Variants in ANKRD11 observed in about 807,000 individuals in gnomAD.
The protein encoded by ANKRD11 is ankyrin repeat domain-containing protein 11.
A neutral mutation model predicts 195.7 loss-of-function variants in ANKRD11; 17 were observed. That is an observed-to-expected ratio of 0.09 (90% CI 0.06 to 0.13). The LOEUF (loss-of-function observed/expected upper bound fraction) is 0.13, where lower values mean the gene tolerates loss of function less well. Among genes scored for constraint, ANKRD11 ranks in the 10% least tolerant of loss-of-function variants. ANKRD11 has a pLI of 1.00. For missense variants in ANKRD11, 3,735 were observed against 3,566.1 expected (o/e 1.05, Z -1.21); for synonymous variants, 1,953 against 1,528.1 (o/e 1.28, Z -6.49).
intron 2 of ANKRD11, among the ~76,000 whole-genome samples, chr16:89,350,504 C>A (rs539870676): frequency 2.0e-5 from 3 of 152,284 alleles, no homozygotes; most frequent in African/African-American, 7.2e-5. Context: ...CACCACAGAA[C>A]CCAGATCAAT....
chr16:89,370,416 C>T (rs1168536276), intron 2 of ANKRD11, among the ~76,000 whole-genome samples: 1 of 152,176 alleles, frequency 6.6e-6, no homozygotes, highest in African/African-American at 2.4e-5. Context: ...CTACAGGATC[C>T]TGAGCCCTCC....
chr16:89,284,964 G>T lies in ANKRD11; in HGVS notation c.1578C>A (p.His526Gln). The change falls in exon 9 of 13, where the codon CAC becomes CAA. Residue 526 changes from histidine to glutamine, a missense_variant. Transcript: ENST00000301030. ...SSLSASSTSS[H>Q]GSSAAQKQNP... ...TCTGCTTCTGGGCGGCAGAGCTCCCGTGAGACGAGGTGGAGGAGGCAGAGA... is the reference window on the plus strand; with the variant it reads ...TCTGCTTCTGGGCGGCAGAGCTCCCTTGAGACGAGGTGGAGGAGGCAGAGA... 1 of 1,614,122 alleles carries T rather than the reference G, an allele frequency of 6.2e-7. No individual in the cohort carries two copies. The highest frequency in any genetic ancestry group is 8.5e-7 in the Non-Finnish European group (1 of 1,180,016).
chr16:89,430,843 G>A (rs929421225), intron 1 of ANKRD11, among the ~76,000 whole-genome samples: 2 of 152,128 alleles, frequency 1.3e-5, no homozygotes, highest in Non-Finnish European at 2.9e-5. Context: ...ATGACCTTAC[G>A]CAGTTTCTGT....
At position 89,283,444 on chromosome 16, in the gene ANKRD11, C is replaced by T. The variant is rs201522384; in HGVS notation, c.3098G>A (p.Ser1033Asn). ...TKPERYKEKSSDKDKSEKSIL... is the reference protein window; with the variant it reads ...TKPERYKEKSNDKDKSEKSIL... Reference sequence around the variant, plus strand: ...TGATTTCTCACTTTTGTCCTTGTCACTGGATTTCTCTTTGTATCTTTCTGG... The same window carrying T: ...TGATTTCTCACTTTTGTCCTTGTCATTGGATTTCTCTTTGTATCTTTCTGG... The change falls in exon 9 of 13, where the codon AGT becomes AAT. Residue 1033 changes from serine to asparagine, a missense_variant. Coordinates refer to ENST00000301030, the MANE Select transcript of ANKRD11 (RefSeq NM_013275.6). This position sits in a 1 kb window ranked among gnomAD's most constrained non-coding sequence, Gnocchi z 4.3. 1.9e-6 allele frequency: 3 copies of T among 1,614,208 alleles called. No homozygotes were observed. The highest frequency in any genetic ancestry group is 1.7e-5 in the Admixed American group (1 of 60,036).
rs189873120 is a variant in ANKRD11, at chr16:89,394,419, G to A, written c.-60+23865C>T. Among the ~76,000 whole-genome samples, 579 of 152,270 alleles carry A rather than the reference G, an allele frequency of 3.8e-3. 11 individuals are homozygous for A. Among genetic ancestry groups the A allele is most frequent in the Admixed American group, 0.028 (431 of 15,290 alleles). On this transcript the variant is annotated intron_variant, in intron 2 of 12. Coordinates refer to ENST00000301030, the MANE Select transcript of ANKRD11 (RefSeq NM_013275.6). ...CAAGGCGGGCAGATCACCTGAGGTCGGGAGTTCAAGACCAGACTGGCCAAC... is the reference window on the plus strand; with the variant it reads ...CAAGGCGGGCAGATCACCTGAGGTCAGGAGTTCAAGACCAGACTGGCCAAC...
At chr16:89,398,247 AG>A (rs1411725541) in intron 2 of ANKRD11, among the ~76,000 whole-genome samples, 13 of 151,624 alleles carry the variant, frequency 8.6e-5, no homozygotes, top group African/African-American at 3.2e-4. Context: ...GGCTGACATG[AG>A]GGACACTGTG....
intron 2 of ANKRD11, among the ~76,000 whole-genome samples, chr16:89,339,065 A>C (rs528586351): frequency 8.5e-4 from 129 of 152,212 alleles, no homozygotes; most frequent in South Asian, 4.6e-3. Flanking sequence ...AACCAGGAGG[A>C]CAGACGTCCT....
At chr16:89,358,665 C>A (rs2039595791) in intron 2 of ANKRD11, among the ~76,000 whole-genome samples, 1 of 152,196 alleles carries the variant, frequency 6.6e-6, no homozygotes, top group African/African-American at 2.4e-5. Flanking sequence ...CAGGATGCTG[C>A]CTGCAGCTCA....
intron 4 of ANKRD11, among the ~76,000 whole-genome samples, chr16:89,297,345 A>G (rs2035505849): frequency 6.6e-6 from 1 of 152,218 alleles, no homozygotes; most frequent in Admixed American, 6.5e-5. Context: ...GATATTTTCA[A>G]ACAACAGAAA....
In ANKRD11 at chr16:89,285,456, G is replaced by A. The variant is rs149888021; in HGVS notation, c.1086C>T (p.Asp362=). Residue 362 remains aspartate (D), a synonymous_variant, in exon 9 of 13, where the codon GAC becomes GAT. Coordinates refer to ENST00000301030, the MANE Select transcript of ANKRD11 (RefSeq NM_013275.6). This position sits in a 1 kb window ranked among gnomAD's most constrained non-coding sequence, Gnocchi z 5.6. ...AGTCCTTTTTCAATAGGTGCTTGTC[G>A]TCCACCGGAGGAACCCTGTCCTGCT... ...DDEQDRVPPV[D]DKHLLKKDYR... is the part of the protein sequence containing the mutation. 139 of 1,614,082 alleles carry A rather than the reference G, an allele frequency of 8.6e-5. 2 individuals are homozygous for A. In the African/African-American group the frequency reaches 1.2e-3, roughly 14 times the overall value.
At chr16:89,338,014 A>G (rs2038460583) in intron 2 of ANKRD11, among the ~76,000 whole-genome samples, 2 of 152,136 alleles carry the variant, frequency 1.3e-5, no homozygotes, top group African/African-American at 4.8e-5. Context: ...CTCCCACATC[A>G]GCTGGTGCCA....
intron 4 of ANKRD11, among the ~76,000 whole-genome samples, chr16:89,293,929 G>A (rs1597496949): frequency 1.3e-5 from 2 of 152,142 alleles, no homozygotes; most frequent in Middle Eastern, 3.2e-3. Flanking sequence ...AGGAGCCCAC[G>A]CTGCGTCCCC....
intron 1 of ANKRD11, among the ~76,000 whole-genome samples, chr16:89,441,780 A>C (rs1381016655): frequency 6.7e-6 from 1 of 148,742 alleles, no homozygotes. Context: ...AAAAAAAAAA[A>C]AAAAAAAAAA....
intron 3 of ANKRD11, among the ~76,000 whole-genome samples, chr16:89,308,070 G>GGAAGGTTCTACCCAACATGT (rs2036399923): frequency 6.7e-6 from 1 of 148,542 alleles, no homozygotes; most frequent in African/African-American, 2.5e-5. Flanking sequence ...CCTGATGAGG[G>GGAAGGTTCTACCCAACATGT]GAAGGTTCTA....
In ANKRD11 at chr16:89,283,658, T is replaced by C; in HGVS notation, c.2884A>G (p.Arg962Gly). The C allele has an allele frequency of 6.2e-7, 1 of 1,611,808 alleles. No homozygotes were observed. Among genetic ancestry groups the C allele is most frequent in the Non-Finnish European group, 8.5e-7 (1 of 1,179,920 alleles). ...KDALESCKER[R>G]DGRAKPEEAH... is the part of the protein sequence containing the mutation. ...TCCTCGGGCTTGGCCCTGCCGTCCC[T>C]GCGCTCCTTGCAGCTCTCCAGGGCG... The change falls in exon 9 of 13, where the codon AGG becomes GGG. Residue 962 changes from arginine (R) to glycine (G), a missense_variant. Physicochemically the swap from Arg to Gly is moderately radical, Grantham distance 125. Coordinates refer to ENST00000301030, the MANE Select transcript of ANKRD11 (RefSeq NM_013275.6). The surrounding 1 kb of genome is among the most constrained non-coding windows in gnomAD (Gnocchi z 4.3).
intron 1 of ANKRD11, among the ~76,000 whole-genome samples, chr16:89,429,875 T>C (rs541600911): frequency 1.7e-5 from 1 of 57,666 alleles, no homozygotes; most frequent in African/African-American, 7.2e-5. Context: ...GACGTTCTAG[T>C]ACACAGCAGG....
intron 1 of ANKRD11, among the ~76,000 whole-genome samples, chr16:89,458,230 C>CT (rs796923369): frequency 3.3e-3 from 480 of 146,538 alleles, no homozygotes; most frequent in African/African-American, 7.3e-3. Flanking sequence ...AATTTCATTT[C>CT]TTTTTTTTTT....
At chr16:89,354,647 C>T (rs1012807121) in intron 2 of ANKRD11, among the ~76,000 whole-genome samples, 1 of 152,124 alleles carries the variant, frequency 6.6e-6, no homozygotes, top group African/African-American at 2.4e-5. Flanking sequence ...TTTGGGAGGC[C>T]GAGGCAGGTG....
rs2033897065 is a variant in ANKRD11, at chr16:89,278,807, G to A, written c.7470+265C>T. 4 of 654,472 alleles carry A rather than the reference G, an allele frequency of 6.1e-6. 1 individual carries two copies. Among genetic ancestry groups the A allele is most frequent in the South Asian group, 3.0e-5 (2 of 66,340 alleles). The allele number at this position is 654,472 out of a possible 1,614,324, so 40.5% of individuals were successfully genotyped here. ...GGAGCCCCACACGAGTGGGACCGGG[G>A]TGCACCCAGGGTGAGGGGGAGGTCA... On this transcript the variant is annotated intron_variant, in intron 9 of 12. Transcript: ENST00000301030.
Sources: gnomAD v4.1 joint callset for allele counts (sites outside exome capture counted in the v4.1 genomes callset) on GRCh38, gnomAD v4.1.1 for gene constraint, Gnocchi (gnomAD v3.1) non-coding constraint, MANE v1.5 for transcripts, NCBI Gene and HGNC (gene_info 2026-07-23, HGNC 2026-07-21) for gene names.